Variants in SPMIP2 observed in about 807,000 individuals in gnomAD.
SPMIP2 encodes sperm microtubule inner protein 2.
chr4:158,947,561 T>G, the SPMIP2 span, among the ~76,000 whole-genome samples: 3 of 152,230 alleles, frequency 2.0e-5, no homozygotes, highest in Non-Finnish European at 4.4e-5. Context: ...TCCTGTTGAC[T>G]ATTGCCATTT....
the SPMIP2 span, among the ~76,000 whole-genome samples, chr4:158,983,200 A>G: frequency 9.9e-5 from 15 of 152,234 alleles, no homozygotes; most frequent in East Asian, 7.7e-4. Flanking sequence ...GTACCTGAAA[A>G]TGACAGGGAG....
the SPMIP2 span, among the ~76,000 whole-genome samples, chr4:159,023,088 A>G: frequency 2.0e-5 from 3 of 151,242 alleles, no homozygotes; most frequent in African/African-American, 7.3e-5. Context: ...AAATAAAAAT[A>G]TATGTATATA....
the SPMIP2 span, among the ~76,000 whole-genome samples, chr4:159,027,181 G>A: frequency 6.6e-6 from 1 of 151,986 alleles, no homozygotes; most frequent in Non-Finnish European, 1.5e-5. Flanking sequence ...AATGAATAAG[G>A]TCTCCCACTT....
At chr4:159,021,806 A>C in the SPMIP2 span, among the ~76,000 whole-genome samples, 18 of 152,336 alleles carry the variant, frequency 1.2e-4, no homozygotes, top group African/African-American at 3.6e-4. Context: ...CAGACAAAAG[A>C]AGCTGGCATT....
chr4:159,003,892 T>C, the SPMIP2 span, among the ~76,000 whole-genome samples: 16 of 152,282 alleles, frequency 1.1e-4, no homozygotes, highest in Middle Eastern at 3.4e-3. Flanking sequence ...TGAATGCTGA[T>C]AGGGACAAGA....
the SPMIP2 span, among the ~76,000 whole-genome samples, chr4:158,917,625 C>G: frequency 1.5e-4 from 22 of 151,512 alleles, no homozygotes; most frequent in East Asian, 3.9e-3. Flanking sequence ...TCCTGGAAAA[C>G]TGCAACTAAG....
the SPMIP2 span, among the ~76,000 whole-genome samples, chr4:158,942,329 T>G: frequency 6.6e-6 from 1 of 152,356 alleles, no homozygotes; most frequent in South Asian, 2.1e-4. Flanking sequence ...TTATTGAGCC[T>G]TCCTGATCCC....
chr4:159,063,364 G>A, the SPMIP2 span, among the ~76,000 whole-genome samples: 1 of 151,982 alleles, frequency 6.6e-6, no homozygotes. Context: ...TTCGAGACCA[G>A]CATGGCCAAC....
chr4:158,979,801 T>TTG, the SPMIP2 span, among the ~76,000 whole-genome samples: 2 of 147,408 alleles, frequency 1.4e-5, no homozygotes, highest in African/African-American at 5.1e-5. Flanking sequence ...TTTTTTTTTT[T>TTG]TTTTTTTTTT....
At chr4:159,018,197 T>C in the SPMIP2 span, among the ~76,000 whole-genome samples, 2 of 152,298 alleles carry the variant, frequency 1.3e-5, no homozygotes, top group Non-Finnish European at 2.9e-5. Flanking sequence ...ACTTTGGACG[T>C]GGCAGCTGCC....
At chr4:158,913,910 TG>T in the SPMIP2 span, among the ~76,000 whole-genome samples, 1 of 147,454 alleles carries the variant, frequency 6.8e-6, no homozygotes, top group Non-Finnish European at 1.5e-5. Context: ...ACTCAAATGG[TG>T]TAAGAGAGAG....
At chr4:158,977,704 T>C in the SPMIP2 span, among the ~76,000 whole-genome samples, 9 of 142,022 alleles carry the variant, frequency 6.3e-5, no homozygotes, top group African/African-American at 2.3e-4. Context: ...AAGCTCTGCC[T>C]CCCGGGTTCA....
chr4:158,958,105 C>T, the SPMIP2 span, among the ~76,000 whole-genome samples: 1 of 152,182 alleles, frequency 6.6e-6, no homozygotes, highest in East Asian at 1.9e-4. Flanking sequence ...GTTCCTCCCC[C>T]ACCTCACCTC....
the SPMIP2 span, among the ~76,000 whole-genome samples, chr4:158,900,973 C>T: frequency 2.4e-4 from 37 of 152,062 alleles, no homozygotes; most frequent in African/African-American, 5.1e-4. Flanking sequence ...TGGCTGGTAC[C>T]GCTTTTTCCT....
the SPMIP2 span, among the ~76,000 whole-genome samples, chr4:159,001,675 C>T: frequency 6.6e-6 from 1 of 152,174 alleles, no homozygotes; most frequent in Non-Finnish European, 1.5e-5. Context: ...AAGACAGGAT[C>T]TCACTCTTTC....
chr4:159,017,700 G>A, the SPMIP2 span, among the ~76,000 whole-genome samples: 1 of 152,232 alleles, frequency 6.6e-6, no homozygotes, highest in African/African-American at 2.4e-5. Flanking sequence ...TGCCCAAATA[G>A]GCCGCTTCAC....
chr4:158,939,189 C>G, the SPMIP2 span, among the ~76,000 whole-genome samples: 1 of 152,182 alleles, frequency 6.6e-6, no homozygotes, highest in Non-Finnish European at 1.5e-5. Flanking sequence ...GCAGTATTGA[C>G]TCAGTTTAGT....
At chr4:158,971,994 GA>G in the SPMIP2 span, among the ~76,000 whole-genome samples, 1 of 152,192 alleles carries the variant, frequency 6.6e-6, no homozygotes, top group African/African-American at 2.4e-5. Context: ...CACAGAGCTA[GA>G]CCTAAATCAG....
At chr4:159,012,427 T>C in the SPMIP2 span, among the ~76,000 whole-genome samples, 2 of 152,300 alleles carry the variant, frequency 1.3e-5, no homozygotes, top group African/African-American at 2.4e-5. Context: ...TGGGCTGAGA[T>C]GATACCTGAT....
Sources: gnomAD v4.1 joint callset for allele counts (sites outside exome capture counted in the v4.1 genomes callset) on GRCh38, gnomAD v4.1.1 for gene constraint, MANE v1.5 for transcripts, NCBI Gene and HGNC (gene_info 2026-07-23, HGNC 2026-07-21) for gene names.